The following TBC1D30 variants were observed in gnomAD, a reference collection of about 807,000 sequenced individuals.
The protein encoded by TBC1D30 is TBC1 domain family member 30.
A neutral mutation model predicts 63.2 loss-of-function variants in TBC1D30; 31 were observed. The ratio of observed to expected loss-of-function variants is 0.49; its 90% CI spans 0.37 to 0.66. TBC1D30 has a LOEUF of 0.66. TBC1D30 is among the 30% of genes least tolerant of loss of function. The pLI, the probability that TBC1D30 is intolerant of heterozygous loss-of-function variation, is 0.00. For synonymous variants in TBC1D30, 307 were observed against 361.5 expected, an observed-to-expected ratio of 0.85 and a Z score of 1.71; for missense variants, 810 against 953.6, an observed-to-expected ratio of 0.85 and a Z score of 1.98.
intron 1 of TBC1D30, among the ~76,000 whole-genome samples, chr12:64,785,439 C>G (rs1457155735): frequency 7.2e-6 from 1 of 139,222 alleles, no homozygotes; most frequent in African/African-American, 2.7e-5. Context: ...TGAGCCACCA[C>G]GCCTGGCCTT....
intron 2 of TBC1D30, among the ~76,000 whole-genome samples, chr12:64,788,260 A>G (rs887134851): frequency 1.2e-4 from 18 of 151,768 alleles, no homozygotes; most frequent in Admixed American, 3.9e-4. Flanking sequence ...GGCATGTATT[A>G]TAAGTATTTG....
At chr12:64,823,198 T>G (rs1382613224), upstream of TBC1D30, among the ~76,000 whole-genome samples, 1 of 152,198 alleles carries the variant, frequency 6.6e-6, no homozygotes, top group Non-Finnish European at 1.5e-5. Context: ...TTATTTGCTT[T>G]ATCCTGTAGT....
At chr12:64,868,753 A>G (rs1878425187) in intron 10 of TBC1D30, 1 of 184,510 alleles carries the variant, frequency 5.4e-6, no homozygotes, top group African/African-American at 2.4e-5. Flanking sequence ...GAACAAGTCT[A>G]CTTACTCCCT....
intron 8 of TBC1D30, among the ~76,000 whole-genome samples, chr12:64,854,239 T>G (rs1877109978): frequency 6.6e-6 from 1 of 152,198 alleles, no homozygotes. Context: ...TTTTATTTTT[T>G]GTGTATTGTA....
intron 2 of TBC1D30, chr12:64,787,398 T>C: frequency 3.0e-6 from 3 of 984,372 alleles, no homozygotes; most frequent in East Asian, 1.1e-4. Context: ...TAAATATAGG[T>C]ACAATGATGT....
intron 11 of TBC1D30, among the ~76,000 whole-genome samples, chr12:64,871,322 A>T (rs1384367601): frequency 6.6e-6 from 1 of 152,212 alleles, no homozygotes; most frequent in African/African-American, 2.4e-5. Flanking sequence ...ACACAATTAT[A>T]ATGCAATTGG....
In TBC1D30 at chr12:64,878,461, C is replaced by T. The variant is rs1879240555; in HGVS notation, c.*2673C>T. On this transcript the variant is annotated 3_prime_UTR_variant, in exon 12 of 12. Coordinates refer to ENST00000539867, the MANE Select transcript of TBC1D30 (RefSeq NM_015279.2). ...GCCGGGAATCAACTCATTCTGATGC[C>T]TCTGCACCTCAGTTCCTCTTACAAA... 2.2e-6 allele frequency: 1 copy of T among 456,554 alleles called. No individual in the cohort carries two copies. Among genetic ancestry groups the T allele is most frequent in the African/African-American group, 2.0e-5 (1 of 50,064 alleles). 28.3% of individuals were successfully genotyped at this position (456,554 alleles called of 1,614,324 possible).
chr12:64,863,814 A>G (rs953010288), intron 8 of TBC1D30, among the ~76,000 whole-genome samples: 3 of 152,204 alleles, frequency 2.0e-5, no homozygotes, highest in African/African-American at 7.2e-5. Context: ...AATAAAAAAT[A>G]CCTTTTTAAA....
chr12:64,804,327 C>T (rs1270605270), intron 2 of TBC1D30, among the ~76,000 whole-genome samples: 1 of 152,126 alleles, frequency 6.6e-6, no homozygotes, highest in Non-Finnish European at 1.5e-5. Context: ...GTGATTTTTG[C>T]ACATTGATTT....
At chr12:64,838,952 T>A (rs988384295) in intron 7 of TBC1D30, 101 bp downstream of exon 7, 3 of 1,159,068 alleles carry the variant, frequency 2.6e-6, no homozygotes, top group Non-Finnish European at 3.6e-6. Flanking sequence ...AATGAGAAAG[T>A]TGTGAACTTT....
At chr12:64,834,599 G>A (rs1275227023) in intron 5 of TBC1D30, among the ~76,000 whole-genome samples, 1 of 150,330 alleles carries the variant, frequency 6.7e-6, no homozygotes, top group African/African-American at 2.4e-5. Flanking sequence ...TAGAGATGGG[G>A]TTTCACCATG....
intron 8 of TBC1D30, among the ~76,000 whole-genome samples, chr12:64,850,691 GA>G (rs1433745979): frequency 2.0e-5 from 3 of 152,124 alleles, no homozygotes; most frequent in Non-Finnish European, 4.4e-5. Flanking sequence ...TTTTATTGAG[GA>G]TTTTTGCATC....
chr12:64,866,067 G>T (rs1322408673), intron 9 of TBC1D30, among the ~76,000 whole-genome samples: 1 of 152,028 alleles, frequency 6.6e-6, no homozygotes. Flanking sequence ...ACAGAGTCTC[G>T]CTATGTTACC....
Position 64,875,698 on chromosome 12 carries a change from T to C in TBC1D30, c.2196T>C (p.Pro732=). 6.5e-7 allele frequency: 1 copy of C among 1,536,582 alleles called. No individual in the cohort carries two copies. ...ATARNLGLYG[P]TERTPTVHFP... is the part of the protein sequence containing the mutation. ...CCAGGAACTTGGGATTATATGGCCC[T>C]ACAGAAAGAACCCCAACTGTGCACT... Residue 732 remains proline (P), a synonymous_variant, in exon 12 of 12, where the codon CCT becomes CCC. Transcript: ENST00000539867.
At chr12:64,815,465 G>A (rs1322185717) in intron 2 of TBC1D30, among the ~76,000 whole-genome samples, 2 of 152,180 alleles carry the variant, frequency 1.3e-5, no homozygotes, top group African/African-American at 2.4e-5. Context: ...TTAAAAGGAG[G>A]TTCTGTGAAG....
Position 64,775,092 on chromosome 12 carries a change from CA to C in TBC1D30, c.-375-10776del, listed in dbSNP as rs111986258. On this transcript the variant is annotated intron_variant, in intron 1 of 13. Transcript: ENST00000674237. ...TGGGTGACAGAGTGAGACTGTGTCTCAAAAAAAAAAAAATATATATATATAG... is the reference window on the plus strand; with the variant it reads ...TGGGTGACAGAGTGAGACTGTGTCTCAAAAAAAAAAAATATATATATATAG... Among the ~76,000 whole-genome samples, 741 of 107,144 alleles carry C rather than the reference CA, an allele frequency of 6.9e-3. 6 individuals carry two copies. Among genetic ancestry groups the C allele is most frequent in the East Asian group, 0.016 (70 of 4,328 alleles). The allele number at this position is 107,144 out of a possible 152,430, so 70.3% of individuals were successfully genotyped here.
At chr12:64,836,279 G>A (rs1875342855) in intron 5 of TBC1D30, among the ~76,000 whole-genome samples, 1 of 152,130 alleles carries the variant, frequency 6.6e-6, no homozygotes, top group South Asian at 2.1e-4. Flanking sequence ...GCGGACTTGG[G>A]GTCTGAGTTA....
intron 7 of TBC1D30, among the ~76,000 whole-genome samples, chr12:64,841,955 G>A (rs1875914083): frequency 6.6e-6 from 1 of 152,100 alleles, no homozygotes; most frequent in Admixed American, 6.6e-5. Flanking sequence ...ATATTATTTT[G>A]GATGGCTTTA....
intron 1 of TBC1D30, chr12:64,759,769 A>G (rs1163868305): frequency 6.2e-6 from 1 of 162,146 alleles, no homozygotes; most frequent in African/African-American, 2.4e-5. Context: ...GAGTTGGCAA[A>G]TACTAACCAA....
Sources: gnomAD v4.1 joint callset for allele counts (sites outside exome capture counted in the v4.1 genomes callset) on GRCh38, gnomAD v4.1.1 for gene constraint, MANE v1.5 for transcripts, NCBI Gene and HGNC (gene_info 2026-07-23, HGNC 2026-07-21) for gene names.